SFPQ: variants seen among roughly 807,000 people sequenced by gnomAD.
SFPQ encodes the protein splicing factor proline and glutamine rich, also known as splicing factor, proline- and glutamine-rich.
In SFPQ, 11 loss-of-function variants were observed where a neutral mutation model predicts 72.9. The ratio of observed to expected loss-of-function variants is 0.15; its 90% confidence interval spans 0.09 to 0.25. The LOEUF is 0.25. Ranked by LOEUF, SFPQ falls within the 10% of genes least tolerant of loss-of-function variation. The pLI, the probability that SFPQ is intolerant of heterozygous loss-of-function variation, is 1.00. For missense variants in SFPQ, 847 were observed against 993.3 expected (o/e 0.85, Z 1.98); for synonymous variants, 506 against 367.3 (o/e 1.38, Z -4.32).
chr1:35,192,634 G>A lies in SFPQ; in HGVS notation c.416C>T (p.Ser139Leu). The change falls in exon 1 of 10, where the codon TCG becomes TTG. Residue 139 changes from serine (S) to leucine (L), a missense_variant. Physicochemically the swap from Ser to Leu is moderately radical, Grantham distance 145. This residue lies in a region of SFPQ where 498 missense variants were observed against 405.1 expected (regional missense o/e 1.23). Transcript: ENST00000357214. ...SSAPPATPPT[S>L]GAPPGSGPGP... ...TGGCCCGGACCCTGGCGGGGCCCCC[G>A]AGGTTGGTGGAGTGGCGGGCGGGGC... The A allele has an allele frequency of 7.3e-7, 1 of 1,376,098 alleles. No homozygotes were observed. Among genetic ancestry groups the A allele is most frequent in the Non-Finnish European group, 9.3e-7 (1 of 1,073,690 alleles). 85.2% of individuals were successfully genotyped at this position (1,376,098 alleles called of 1,614,324 possible).
In SFPQ at chr1:35,188,038, C is replaced by T. The variant is rs1165284853; in HGVS notation, c.1750G>A (p.Glu584Lys). 1.9e-6 allele frequency: 3 copies of T among 1,614,080 alleles called. No individual in the cohort carries two copies. The highest frequency in any genetic ancestry group is 2.5e-6 in the Non-Finnish European group (3 of 1,180,024). Residue 584 changes from glutamate to lysine, a missense_variant, in exon 7 of 10, where the codon GAG becomes AAG. Glu to Lys is a moderately conservative substitution (Grantham distance 56). Coordinates refer to ENST00000357214, the MANE Select transcript of SFPQ (RefSeq NM_005066.3). ...REEEMMIRQR[E>K]MEEQMRRQRE... ...TGGCGCCTCATTTGTTCTTCCATCT[C>T]ACGTTGACGAATCATCATCTCTTCC...
chr1:35,180,768 C>T (rs1351651334), downstream of SFPQ: 18 of 1,061,090 alleles, frequency 1.7e-5, no homozygotes, highest in East Asian at 1.0e-4. Context: ...ACATGCTATA[C>T]GGTCCATGTC....
chr1:35,187,139 G>C lies in SFPQ; in HGVS notation c.1865-17C>G. On this transcript the variant is annotated splice_polypyrimidine_tract_variant and intron_variant, in intron 8 of 9. Transcript: ENST00000357214. Reference sequence around the variant, plus strand: ...CATAGGGATCTAGAAAACAAAAATAGTGGTTACAACTCCACCAGGATACTA... The same window carrying C: ...CATAGGGATCTAGAAAACAAAAATACTGGTTACAACTCCACCAGGATACTA... 1 of 1,613,894 alleles carries C rather than the reference G, an allele frequency of 6.2e-7. No individual in the cohort carries two copies. The highest frequency in any genetic ancestry group is 1.1e-5 in the South Asian group (1 of 91,070).
At chr1:35,188,688 G>A (rs571713461) in intron 6 of SFPQ, among the ~76,000 whole-genome samples, 92 of 152,204 alleles carry the variant, frequency 6.0e-4, no homozygotes, top group African/African-American at 2.1e-3. Context: ...CAAGCGTGGC[G>A]GCTCATGCCT....
chr1:35,180,480 G>A (rs1639422107), downstream of SFPQ: 1 of 1,050,572 alleles, frequency 9.5e-7, no homozygotes, highest in Non-Finnish European at 1.1e-6. Flanking sequence ...CTGTAGTCAA[G>A]TCAATGTTCC....
chr1:35,192,752 G>C lies in SFPQ; in HGVS notation c.298C>G (p.Pro100Ala). The C allele has an allele frequency of 6.7e-7, 1 of 1,495,084 alleles. No individual in the cohort carries two copies. The highest frequency in any genetic ancestry group is 8.9e-7 in the Non-Finnish European group (1 of 1,128,348). The allele number at this position is 1,495,084 out of a possible 1,614,324, so 92.6% of individuals were successfully genotyped here. Residue 100 changes from proline to alanine, a missense_variant, in exon 1 of 10, where the codon CCG becomes GCG. By Grantham distance (27) the Pro-to-Ala change is conservative. This residue lies in a region of SFPQ where 498 missense variants were observed against 405.1 expected (regional missense o/e 1.23). Transcript: ENST00000357214. ...HPQPHQQQQP[P>A]PPPQDSSKPV... Reference sequence around the variant, plus strand: ...TTGGAAGAGTCCTGCGGCGGTGGCGGCGGCTGCTGCTGCTGATGCGGCTGT... The same window carrying C: ...TTGGAAGAGTCCTGCGGCGGTGGCGCCGGCTGCTGCTGCTGATGCGGCTGT...
Position 35,187,043 on chromosome 1 carries a change from A to G in SFPQ, c.1944T>C (p.Val648=). ...GGIGYEANPG[V]PPATMSGSMM... ...TGGAACCACTCATGGTTGCTGGTGG[A>G]ACGCCAGGATTAGCTTCATAACCTA... Residue 648 remains valine, a synonymous_variant, in exon 9 of 10, where the codon GTT becomes GTC. Transcript: ENST00000357214. 1 of 1,614,102 alleles carries G rather than the reference A, an allele frequency of 6.2e-7. No individual in the cohort carries two copies. Among genetic ancestry groups the G allele is most frequent in the Non-Finnish European group, 8.5e-7 (1 of 1,179,958 alleles).
chr1:35,182,938 C>T lies in SFPQ; in HGVS notation c.*1518G>A, dbSNP rs2148609786. 1 of 1,044,134 alleles carries T rather than the reference C, an allele frequency of 9.6e-7. No homozygotes were observed. The highest frequency in any genetic ancestry group is 4.6e-5 in the South Asian group (1 of 21,768). The allele number at this position is 1,044,134 out of a possible 1,614,324, so 64.7% of individuals were successfully genotyped here. A position where few individuals can be genotyped will look rare whatever the true frequency, so the allele number is the denominator to read the frequency against. ...CAATTAACTGACAACACCATGGAAACATTCCAAGCCTTTATGGTGGGAGGA... is the reference window on the plus strand; with the variant it reads ...CAATTAACTGACAACACCATGGAAATATTCCAAGCCTTTATGGTGGGAGGA... On this transcript the variant is annotated 3_prime_UTR_variant, in exon 10 of 10. Coordinates refer to ENST00000357214, the MANE Select transcript of SFPQ (RefSeq NM_005066.3).
downstream of SFPQ, chr1:35,178,899 AAAT>A (rs958511535): frequency 1.9e-6 from 2 of 1,045,496 alleles, no homozygotes; most frequent in Non-Finnish European, 2.3e-6. Flanking sequence ...AAAAAAAAAA[AAAT>A]ATTTTTTTCA....
intron 6 of SFPQ, 72 bp downstream of exon 6, chr1:35,188,931 A>G: frequency 8.4e-7 from 1 of 1,196,192 alleles, no homozygotes; most frequent in Admixed American, 1.9e-5. Context: ...ACTGCACTCC[A>G]GCCCGGGCAA....
rs1570143359 is a variant in SFPQ at position 35,192,387 on chromosome 1, G to A, written c.663C>T (p.Gly221=). ...GGCCGCCAGGCGTACTTAGGCCCGGGCCGCCACCTGGCTTCGGCCCGCCAG... is the reference window on the plus strand; with the variant it reads ...GGCCGCCAGGCGTACTTAGGCCCGGACCGCCACCTGGCTTCGGCCCGCCAG... ...KMPGGPKPGG[G]PGLSTPGGHP... is the part of the protein sequence containing the mutation. The change falls in exon 1 of 10, where the codon GGC becomes GGT. Residue 221 remains glycine (G), a synonymous_variant. Transcript: ENST00000357214. 11 of 1,411,898 alleles carry A rather than the reference G, an allele frequency of 7.8e-6. No individual in the cohort carries two copies. The East Asian group carries it at 3.1e-4, about 39-fold the overall frequency. 87.5% of individuals were successfully genotyped at this position (1,411,898 alleles called of 1,614,324 possible).
Position 35,184,288 on chromosome 1 carries a change from C to G in SFPQ, c.*168G>C. The G allele has an allele frequency of 7.1e-6, 10 of 1,417,212 alleles. No homozygotes were observed. Among genetic ancestry groups the G allele is most frequent in the Non-Finnish European group, 8.2e-6 (9 of 1,094,694 alleles). The allele number at this position is 1,417,212 out of a possible 1,614,324, so 87.8% of individuals were successfully genotyped here. On this transcript the variant is annotated 3_prime_UTR_variant, in exon 10 of 10. Coordinates refer to ENST00000357214, the MANE Select transcript of SFPQ (RefSeq NM_005066.3). ...AAAAAAAATTCTCCTGTTCCAAACA[C>G]TGCATTACATAATTTTACCTGCCCA...
chr1:35,186,193 G>C (rs1639702765), intron 9 of SFPQ, among the ~76,000 whole-genome samples: 1 of 152,080 alleles, frequency 6.6e-6, no homozygotes, highest in South Asian at 2.1e-4. Context: ...AAAGCCTGTA[G>C]TGAACTCATC....
At position 35,192,225 on chromosome 1, in the gene SFPQ, C is replaced by T. The variant is rs1012963085; in HGVS notation, c.825G>A (p.Ser275=). ...CGTCGCTCCCATAGACACTCACCTC[C>T]GAGTCCGAGATCTTCTCCTCGCTGC... ...GGRSEEKISD[S]EGFKANLSLL... Residue 275 remains serine (S), a synonymous_variant, in exon 1 of 10, where the codon TCG becomes TCA. Coordinates refer to ENST00000357214, the MANE Select transcript of SFPQ (RefSeq NM_005066.3). The T allele has an allele frequency of 4.1e-6, 6 of 1,457,002 alleles. No homozygotes were observed. In the African/African-American group the frequency reaches 4.5e-5, roughly 11 times the overall value. The allele number at this position is 1,457,002 out of a possible 1,614,324, so 90.3% of individuals were successfully genotyped here.
downstream of SFPQ, chr1:35,178,379 G>A (rs1295223428): frequency 9.4e-7 from 1 of 1,063,582 alleles, no homozygotes; most frequent in Admixed American, 5.4e-5. Context: ...CACCAAATGA[G>A]TTTTAACATC....
chr1:35,178,365 A>T, downstream of SFPQ: 1 of 1,063,568 alleles, frequency 9.4e-7, no homozygotes, highest in Non-Finnish European at 1.1e-6. Context: ...GACAACGTTG[A>T]CCTCACCAAA....
rs1443275282 is a variant in SFPQ at position 35,183,940 on chromosome 1, T to C, written c.*516A>G. ...AACAAATCATCAAACTACTTCAATA[T>C]GCATTTCTTCTTTTTAAAACAAAGG... On this transcript the variant is annotated 3_prime_UTR_variant, in exon 10 of 10. Coordinates refer to ENST00000357214, the MANE Select transcript of SFPQ (RefSeq NM_005066.3). 1.0e-5 allele frequency: 11 copies of C among 1,050,866 alleles called. No homozygotes were observed. The African/African-American group carries it at 1.3e-4, about 13-fold the overall frequency. 65.1% of individuals were successfully genotyped at this position (1,050,866 alleles called of 1,614,324 possible). A position where few individuals can be genotyped will look rare whatever the true frequency, so the allele number is the denominator to read the frequency against.
intron 1 of SFPQ, 72 bp downstream of exon 1, chr1:35,192,150 G>A (rs1348833353): frequency 2.5e-6 from 3 of 1,202,910 alleles, no homozygotes; most frequent in Admixed American, 4.2e-5. Context: ...GAAGCCCAGC[G>A]CGGGGGCGGG....
chr1:35,188,127 T>C (rs766432386), intron 6 of SFPQ, 37 bp from the exon 7 acceptor site: 1 of 1,439,244 alleles, frequency 6.9e-7, no homozygotes, highest in South Asian at 1.1e-5. Context: ...TGAAGTGTTA[T>C]CCACATCTTT....
Sources: gnomAD v4.1 joint callset for allele counts (sites outside exome capture counted in the v4.1 genomes callset) on GRCh38, gnomAD v4.1.1 for gene constraint, gnomAD v4.1.1 regional missense constraint, MANE v1.5 for transcripts, NCBI Gene and HGNC (gene_info 2026-07-23, HGNC 2026-07-21) for gene names.